Variants in ZFYVE26 observed in about 807,000 individuals in gnomAD.
ZFYVE26 encodes zinc finger FYVE domain-containing protein 26.
ZFYVE26 carries 181 observed loss-of-function variants against 276.5 expected under a neutral mutation model. The observed-to-expected ratio is 0.65, with a 90% CI of 0.58 to 0.74. The LOEUF (loss-of-function observed/expected upper bound fraction) is 0.74. Ranked by LOEUF, ZFYVE26 falls within the 30% of genes least tolerant of loss-of-function variation. ZFYVE26 has a pLI of 0.00. For synonymous variants in ZFYVE26, 1,129 were observed against 1,203.1 expected, an observed-to-expected ratio of 0.94 and a Z score of 1.27; for missense variants, 2,821 against 3,097.9, an observed-to-expected ratio of 0.91 and a Z score of 2.12.
intron 13 of ZFYVE26, among the ~76,000 whole-genome samples, chr14:67,740,846 T>C (rs995177365): frequency 1.3e-5 from 2 of 151,264 alleles, no homozygotes; most frequent in Admixed American, 1.3e-4. Context: ...GGGGCAGAAG[T>C]TGCAGTGAGC....
chr14:67,770,623 T>C (rs1156261304), intron 28 of ZFYVE26: 1 of 152,218 alleles, frequency 6.6e-6, no homozygotes, highest in Non-Finnish European at 1.5e-5. Context: ...GTGTGTAATA[T>C]AGTAATAATA....
Position 67,748,694 on chromosome 14 carries a change from TATACA to T in ZFYVE26, c.7417-60_7417-56del. On this transcript the variant is annotated intron_variant, in intron 41 of 41. Transcript: ENST00000347230. ...AGGCATCCATCACCGACAAATCAAG[TATACA>T]GAGCTGCAGCAGAAAGCTCGGGCAG... The T allele has an allele frequency of 1.9e-6, 3 of 1,590,730 alleles. No homozygotes were observed. The South Asian group carries it at 3.4e-5, about 18-fold the overall frequency.
chr14:67,776,117 G>T lies in ZFYVE26; in HGVS notation c.4975-11C>A, dbSNP rs749215954. On this transcript the variant is annotated splice_polypyrimidine_tract_variant and intron_variant, in intron 25 of 41. Transcript: ENST00000347230. The stretch of plus-strand genomic sequence containing the variant: ...CAGGGTCAGCAGAATCTGTTTGTGG[G>T]GTAGATCCATAGAGTAAAGAAAATA... 1 of 1,613,930 alleles carries T rather than the reference G, an allele frequency of 6.2e-7. No homozygotes were observed. The highest frequency in any genetic ancestry group is 2.2e-5 in the East Asian group (1 of 44,886).
intron 10 of ZFYVE26, among the ~76,000 whole-genome samples, chr14:67,799,824 AAC>A (rs2040042580): frequency 6.6e-6 from 1 of 152,162 alleles, no homozygotes; most frequent in South Asian, 2.1e-4. Context: ...CACCTGAAGG[AAC>A]TTGGTGGTGA....
At chr14:67,805,194 G>T in intron 8 of ZFYVE26, 23 bp downstream of exon 8, 1 of 1,609,042 alleles carries the variant, frequency 6.2e-7, no homozygotes, top group Non-Finnish European at 8.5e-7. Context: ...TGGTGGGCAG[G>T]CGCTGACTGC....
chr14:67,761,878 C>A (rs1211541409), intron 34 of ZFYVE26: 4 of 557,244 alleles, frequency 7.2e-6, no homozygotes, highest in African/African-American at 5.7e-5. Flanking sequence ...TATGGGACAA[C>A]CCCAGTTTCA....
At chr14:67,812,486 C>G (rs2040323575) in intron 3 of ZFYVE26, among the ~76,000 whole-genome samples, 1 of 152,168 alleles carries the variant, frequency 6.6e-6, no homozygotes, top group Non-Finnish European at 1.5e-5. Context: ...ATGAAGGCAC[C>G]TTCAGGATAA....
intron 13 of ZFYVE26, among the ~76,000 whole-genome samples, chr14:67,732,907 C>A (rs560683742): frequency 6.6e-6 from 1 of 152,114 alleles, no homozygotes; most frequent in South Asian, 2.1e-4. Flanking sequence ...CTTTTATCAG[C>A]ACTGCATGTT....
Position 67,806,650 on chromosome 14 carries a change from CT to C in ZFYVE26, c.911del (p.Glu304GlyfsTer5). 1.2e-6 allele frequency: 2 copies of C among 1,614,220 alleles called. No individual in the cohort carries two copies. Among genetic ancestry groups the C allele is most frequent in the Non-Finnish European group, 8.5e-7 (1 of 1,180,030 alleles). ...GKVSPDHLDP[E>X]RAMLALFSNP... ...TGGAGAACAGGGCTAGCATTGCCCG[CT>C]CAGGATCTAGATGATCCGGTGAGAC... On this transcript the variant is annotated frameshift_variant, in exon 6 of 42. Coordinates refer to ENST00000347230, the MANE Select transcript of ZFYVE26 (RefSeq NM_015346.4). LOFTEE classifies it high-confidence loss of function.
chr14:67,787,405 A>G (rs1242180588), intron 16 of ZFYVE26, among the ~76,000 whole-genome samples: 2 of 152,204 alleles, frequency 1.3e-5, no homozygotes, highest in African/African-American at 4.8e-5. Context: ...ATTTAATAGC[A>G]TAACATGGGG....
At chr14:67,772,888 G>A (rs900907225) in intron 27 of ZFYVE26, among the ~76,000 whole-genome samples, 1 of 152,122 alleles carries the variant, frequency 6.6e-6, no homozygotes, top group African/African-American at 2.4e-5. Flanking sequence ...TTGAGCCCAG[G>A]AGTTCAAGGT....
chr14:67,811,245 T>A (rs2040294917), intron 3 of ZFYVE26, among the ~76,000 whole-genome samples: 1 of 152,214 alleles, frequency 6.6e-6, no homozygotes, highest in African/African-American at 2.4e-5. Context: ...TAGATTATAC[T>A]TATTTTACTG....
At chr14:67,784,144 C>T (rs762733018) in intron 20 of ZFYVE26, among the ~76,000 whole-genome samples, 190 bp downstream of exon 20, 3 of 152,078 alleles carry the variant, frequency 2.0e-5, no homozygotes, top group Non-Finnish European at 2.9e-5. Context: ...AATATACATG[C>T]TAAAGGTATC....
intron 31 of ZFYVE26, 24 bp downstream of exon 31, chr14:67,767,680 A>G (rs748233635): frequency 2.2e-5 from 35 of 1,613,952 alleles, no homozygotes; most frequent in Non-Finnish European, 2.8e-5. Context: ...AACTTAAGTG[A>G]CCATTGCATT....
At chr14:67,745,589 A>C (rs2038473790), downstream of ZFYVE26, among the ~76,000 whole-genome samples, 1 of 152,152 alleles carries the variant, frequency 6.6e-6, no homozygotes, top group African/African-American at 2.4e-5. Context: ...ATATGCCTGA[A>C]GTGGGTGGCA....
At chr14:67,745,783 C>G (rs1448011900), downstream of ZFYVE26, among the ~76,000 whole-genome samples, 1 of 151,616 alleles carries the variant, frequency 6.6e-6, no homozygotes, top group African/African-American at 2.4e-5. Context: ...AATTCTAGCA[C>G]TTTGGGAGGA....
rs1003221368 is a variant in ZFYVE26, at chr14:67,805,506, C to T, written c.1130G>A (p.Cys377Tyr). The T allele has an allele frequency of 1.2e-6, 2 of 1,614,064 alleles. No individual in the cohort carries two copies. The highest frequency in any genetic ancestry group is 1.3e-5 in the African/African-American group (1 of 74,922). Reference protein sequence around the residue: ...CLLVLLGWTHCQSLESAKRLL... With the variant: ...CLLVLLGWTHYQSLESAKRLL... ...CCTCTTGGCTGACTCTAGGCTCTGG[C>T]AGTGTGTCCAGCCCAGGAGTACAAG... The change falls in exon 7 of 42, where the codon TGC becomes TAC. Residue 377 changes from cysteine to tyrosine, a missense_variant. Cys to Tyr is a radical substitution (Grantham distance 194). Transcript: ENST00000347230.
intron 12 of ZFYVE26, chr14:67,797,338 A>G (rs957274307): frequency 4.0e-5 from 14 of 353,374 alleles, no homozygotes; most frequent in Non-Finnish European, 5.9e-5. Flanking sequence ...AATACTAAGC[A>G]GTATTTAAAA....
chr14:67,793,669 G>C lies in ZFYVE26; in HGVS notation c.2492C>G (p.Ser831Cys). 6.2e-7 allele frequency: 1 copy of C among 1,613,912 alleles called. No individual in the cohort carries two copies. The highest frequency in any genetic ancestry group is 8.5e-7 in the Non-Finnish European group (1 of 1,179,878). ...GGATGCCAGCAGTGACTCAGGTGGG[G>C]AGAACATCATGGGGATGAGTGAACT... is the stretch of plus-strand genomic sequence containing the variant. ...PQSSLIPMMF[S>C]PPESLLASCI... The change falls in exon 14 of 42, where the codon TCC (serine) becomes TGC (cysteine). Residue 831 changes from serine to cysteine, a missense_variant. Physicochemically the swap from Ser to Cys is moderately radical, Grantham distance 112. Coordinates refer to ENST00000347230, the MANE Select transcript of ZFYVE26 (RefSeq NM_015346.4).
Sources: gnomAD v4.1 joint callset for allele counts (sites outside exome capture counted in the v4.1 genomes callset) on GRCh38, gnomAD v4.1.1 for gene constraint, MANE v1.5 for transcripts, NCBI Gene and HGNC (gene_info 2026-07-23, HGNC 2026-07-21) for gene names.